The following NAGPA variants were observed in gnomAD, a reference collection of about 807,000 sequenced individuals.
NAGPA encodes alpha-N-acetylglucosaminyl phosphodiesterase.
In NAGPA, 56 loss-of-function variants were observed where a neutral mutation model predicts 48.5. The ratio of observed to expected loss-of-function variants is 1.15; its 90% confidence interval spans 0.93 to 1.44. NAGPA has a LOEUF of 1.44. Ranked by LOEUF, NAGPA falls within the 40% of genes most tolerant of loss-of-function variation. NAGPA has a pLI of 0.00. For synonymous variants in NAGPA, 399 were observed against 315.5 expected, an observed-to-expected ratio of 1.26 and a Z score of -2.81; for missense variants, 888 against 735.0, an observed-to-expected ratio of 1.21 and a Z score of -2.41.
At position 5,027,273 on chromosome 16, in the gene NAGPA, G is replaced by A; in HGVS notation, c.1276+5C>T. On this transcript the variant is annotated splice_donor_5th_base_variant and intron_variant, in intron 8 of 9. Transcript: ENST00000312251. Reference sequence around the variant, plus strand: ...CCATACCCCTCCCCTTGGAGGGATAGGTACCTCTGGAGACGCTGCAGTTGC... The same window carrying A: ...CCATACCCCTCCCCTTGGAGGGATAAGTACCTCTGGAGACGCTGCAGTTGC... 1.2e-6 allele frequency: 2 copies of A among 1,614,166 alleles called. No homozygotes were observed. Among genetic ancestry groups the A allele is most frequent in the Non-Finnish European group, 1.7e-6 (2 of 1,179,986 alleles).
At chr16:5,027,715 G>C (rs1479292783) in intron 7 of NAGPA, 131 bp downstream of exon 7, 15 of 1,346,434 alleles carry the variant, frequency 1.1e-5, no homozygotes, top group Non-Finnish European at 1.4e-5. Flanking sequence ...TGATGTGCAG[G>C]TGAGGCCGGG....
chr16:5,030,922 A>T, intron 3 of NAGPA: 1 of 210,446 alleles, frequency 4.8e-6, no homozygotes, highest in Non-Finnish European at 9.4e-6. Context: ...GCCTTCCTTG[A>T]CCGCCCACTC....
chr16:5,026,198 G>A (rs1216477858), intron 9 of NAGPA, among the ~76,000 whole-genome samples: 1 of 150,578 alleles, frequency 6.6e-6, no homozygotes, highest in African/African-American at 2.4e-5. Context: ...CAAAGTGCTA[G>A]GATTACAGGC....
At chr16:5,028,284 TCTACCTAC>T in intron 5 of NAGPA, 99 bp from the exon 6 acceptor site, 1 of 1,534,802 alleles carries the variant, frequency 6.5e-7, no homozygotes, top group Non-Finnish European at 8.8e-7. Flanking sequence ...TTCTCACCTG[TCTACCTAC>T]CTACCTACAA....
chr16:5,028,050 C>T lies in NAGPA; in HGVS notation c.1056G>A (p.Trp352Ter). The change falls in exon 6 of 10, where the codon TGG (tryptophan) becomes TGA (stop). Residue 352 changes from tryptophan to a stop codon, truncating the protein, a stop_gained. Coordinates refer to ENST00000312251, the MANE Select transcript of NAGPA (RefSeq NM_016256.4). LOFTEE classifies it high-confidence loss of function. ...DGHCQCTGHF[W>*]RGPGCDELDC... Reference sequence around the variant, plus strand: ...CCAGCTCATCACAGCCGGGACCCCGCCAGAAGTGCCCGGTGCATTGGCAGT... The same window carrying T: ...CCAGCTCATCACAGCCGGGACCCCGTCAGAAGTGCCCGGTGCATTGGCAGT... 6.2e-7 allele frequency: 1 copy of T among 1,613,940 alleles called. No homozygotes were observed. Among genetic ancestry groups the T allele is most frequent in the African/African-American group, 1.3e-5 (1 of 75,048 alleles).
rs558418618 is a variant in NAGPA at position 5,032,497 on chromosome 16, C to CT, written c.543-614_543-613insA. On this transcript the variant is annotated intron_variant, in intron 2 of 9. Coordinates refer to ENST00000312251, the MANE Select transcript of NAGPA (RefSeq NM_016256.4). ...ATGGTGAACCCACTCCCCCGTTCCC[C>CT]ACCCCATCCCGTCTCTACTAAAAAT... Among the ~76,000 whole-genome samples, 376 of 151,330 alleles carry CT rather than the reference C, an allele frequency of 2.5e-3. 3 individuals are homozygous for CT. The highest frequency in any genetic ancestry group is 8.9e-3 in the African/African-American group (368 of 41,212).
At chr16:5,031,600 T>A in intron 3 of NAGPA, 145 bp downstream of exon 3, 1 of 1,073,194 alleles carries the variant, frequency 9.3e-7, no homozygotes, top group Non-Finnish European at 1.4e-6. Flanking sequence ...AAGCCTATCT[T>A]CCTCCCCATG....
chr16:5,032,720 G>C (rs962283408), intron 2 of NAGPA, among the ~76,000 whole-genome samples: 1 of 151,822 alleles, frequency 6.6e-6, no homozygotes, highest in African/African-American at 2.4e-5. Flanking sequence ...TGATGTTTCT[G>C]ACACCCCACT....
chr16:5,033,679 G>C lies in NAGPA; in HGVS notation c.136C>G (p.Arg46Gly). ...ACCCGTGTGCAGTCCCGGGGGAGGCGCGCGCGCGCGCGTGGATAGGGCAGT... is the reference window on the plus strand; with the variant it reads ...ACCCGTGTGCAGTCCCGGGGGAGGCCCGCGCGCGCGCGTGGATAGGGCAGT... ...LLLPYPRARA[R>G]LPRDCTRVRA... The change falls in exon 2 of 10, where the codon CGC (arginine) becomes GGC (glycine). Residue 46 changes from arginine to glycine, a missense_variant. Physicochemically the swap from Arg to Gly is moderately radical, Grantham distance 125 (BLOSUM62 -2). Transcript: ENST00000312251. The surrounding 1 kb of genome is among the most constrained non-coding windows in gnomAD (Gnocchi z 4.2). 13 of 1,591,146 alleles carry C rather than the reference G, an allele frequency of 8.2e-6. No individual in the cohort carries two copies. The highest frequency in any genetic ancestry group is 1.1e-5 in the Non-Finnish European group (13 of 1,173,298).
chr16:5,026,034 T>C (rs1296082678), intron 9 of NAGPA, among the ~76,000 whole-genome samples: 8 of 151,616 alleles, frequency 5.3e-5, no homozygotes, highest in Non-Finnish European at 1.2e-4. Context: ...CTTCAAACGA[T>C]TCCCCTGCCT....
At chr16:5,032,700 C>A (rs1157083837) in intron 2 of NAGPA, among the ~76,000 whole-genome samples, 1 of 151,954 alleles carries the variant, frequency 6.6e-6, no homozygotes, top group East Asian at 1.9e-4. Context: ...AATCATCAGT[C>A]TTGATGAGTT....
chr16:5,028,604 GC>G (rs1233786632), intron 5 of NAGPA: 1 of 562,246 alleles, frequency 1.8e-6, no homozygotes, highest in Non-Finnish European at 3.2e-6. Context: ...CACATGTGGT[GC>G]CCTCTGCCCG....
Position 5,025,556 on chromosome 16 carries a change from C to T in NAGPA, c.1470G>A (p.Pro490=), listed in dbSNP as rs139512285. Residue 490 remains proline (P), a synonymous_variant, in exon 10 of 10, where the codon CCG becomes CCA. Transcript: ENST00000312251. The part of the protein sequence containing the change: ...RRLHGDYAYH[P]LQEMNGEPLA... Reference sequence around the variant, plus strand: ...GAGGCTCCCCGTTCATCTCCTGCAGCGGGTGGTATGCATAGTCCCCATGCA... The same window carrying T: ...GAGGCTCCCCGTTCATCTCCTGCAGTGGGTGGTATGCATAGTCCCCATGCA... 114 of 1,613,500 alleles carry T rather than the reference C, an allele frequency of 7.1e-5. No homozygotes were observed. Among genetic ancestry groups the T allele is most frequent in the Non-Finnish European group, 8.6e-5 (102 of 1,180,008 alleles).
chr16:5,030,615 G>T, intron 3 of NAGPA, 122 bp from the exon 4 acceptor site: 1 of 821,080 alleles, frequency 1.2e-6, no homozygotes. Flanking sequence ...CAGCCTCCTT[G>T]CTCGTCTCCC....
intron 7 of NAGPA, 123 bp downstream of exon 7, chr16:5,027,723 G>T: frequency 7.2e-7 from 1 of 1,395,460 alleles, no homozygotes; most frequent in Non-Finnish European, 9.8e-7. Context: ...AGGTGAGGCC[G>T]GGGCAGAAGA....
rs747453133 is a variant in NAGPA, at chr16:5,033,900, C to A, written c.15G>T (p.Thr5=). Residue 5 remains threonine (T), a synonymous_variant, in exon 1 of 10, where the codon ACG becomes ACT. Transcript: ENST00000312251. The surrounding 1 kb of genome is among the most constrained non-coding windows in gnomAD (Gnocchi z 4.2). MATS[T]GRWLLLRLAL... ...CAAGCCGGAGGAGAAGCCAGCGACC[C>A]GTGGAGGTCGCCATATTGGACCGGG... The A allele has an allele frequency of 1.9e-6, 3 of 1,548,980 alleles. No individual in the cohort carries two copies. The highest frequency in any genetic ancestry group is 2.4e-5 in the East Asian group (1 of 40,922).
At position 5,025,643 on chromosome 16, in the gene NAGPA, C is replaced by T. The variant is rs1481655349; in HGVS notation, c.1383G>A (p.Leu461=). 6.2e-7 allele frequency: 1 copy of T among 1,613,634 alleles called. No homozygotes were observed. Among genetic ancestry groups the T allele is most frequent in the Admixed American group, 1.7e-5 (1 of 59,968 alleles). Residue 461 remains leucine, a synonymous_variant, in exon 10 of 10, where the codon CTG becomes CTA. Transcript: ENST00000312251. ...ACAGGTTTGCTGCAGTGCTGATCAG[C>T]AGGAGGAAGGCCAGCGCCAGGGTGA... ...LALTLALAFL[L]LISTAANLSL...
chr16:5,027,725 G>C, intron 7 of NAGPA, 121 bp downstream of exon 7: 2 of 1,410,014 alleles, frequency 1.4e-6, no homozygotes, highest in South Asian at 2.5e-5. Flanking sequence ...GTGAGGCCGG[G>C]GCAGAAGACA....
chr16:5,025,320 G>A lies in NAGPA; in HGVS notation c.*158C>T, dbSNP rs1230140933. 3.5e-6 allele frequency: 3 copies of A among 847,796 alleles called. No individual in the cohort carries two copies. Among genetic ancestry groups the A allele is most frequent in the Non-Finnish European group, 5.6e-6 (3 of 534,030 alleles). The allele number at this position is 847,796 out of a possible 1,614,324, so 52.5% of individuals were successfully genotyped here. A position where few individuals can be genotyped will look rare whatever the true frequency, so the allele number is the denominator to read the frequency against. The stretch of plus-strand genomic sequence containing the variant: ...CAGGTGCCCTGGCAGGTGGCCAGGT[G>A]AGGGGCTGAGGCACAAGTGCTATCA... On this transcript the variant is annotated 3_prime_UTR_variant, in exon 10 of 10. Coordinates refer to ENST00000312251, the MANE Select transcript of NAGPA (RefSeq NM_016256.4).
Sources: gnomAD v4.1 joint callset for allele counts (sites outside exome capture counted in the v4.1 genomes callset) on GRCh38, gnomAD v4.1.1 for gene constraint, Gnocchi (gnomAD v3.1) non-coding constraint, MANE v1.5 for transcripts, NCBI Gene and HGNC (gene_info 2026-07-23, HGNC 2026-07-21) for gene names.